Variants in PDZRN4 observed in about 807,000 individuals in gnomAD.
PDZRN4 encodes the protein PDZ domain-containing RING finger protein 4.
A neutral mutation model predicts 99.0 loss-of-function variants in PDZRN4; 70 were observed. The observed-to-expected ratio is 0.71, with a 90% confidence interval of 0.58 to 0.86. The LOEUF (loss-of-function observed/expected upper bound fraction) is 0.86. Ranked by LOEUF, PDZRN4 falls within the 40% of genes least tolerant of loss-of-function variation. The pLI is 0.00. For missense variants in PDZRN4, 1,474 were observed against 1,331.2 expected, an observed-to-expected ratio of 1.11 and a Z score of -1.67; for synonymous variants, 551 against 501.6, an observed-to-expected ratio of 1.10 and a Z score of -1.32.
chr12:41,196,994 T>G (rs578249858), intron 3 of PDZRN4, among the ~76,000 whole-genome samples: 66 of 152,168 alleles, frequency 4.3e-4, no homozygotes, highest in African/African-American at 1.5e-3. Flanking sequence ...ATTATCCGTA[T>G]GACTTATGCA....
rs188145394 is a variant in PDZRN4 at position 41,565,967 on chromosome 12, G to A, written c.1468-1816G>A. 7.9e-5 allele frequency among the ~76,000 whole-genome samples: 12 copies of A among 152,216 alleles called. No individual in the cohort carries two copies. The East Asian group carries it at 9.6e-4, about 12-fold the overall frequency. On this transcript the variant is annotated intron_variant, in intron 8 of 9. Coordinates refer to ENST00000402685, the MANE Select transcript of PDZRN4 (RefSeq NM_001164595.2). ...CTCAAGGGAGATGTCTGTCTCTGCC[G>A]TTACATTAGACTCAGACCATAGTGA...
chr12:41,259,529 A>G (rs1004856832), intron 3 of PDZRN4, among the ~76,000 whole-genome samples: 1 of 152,124 alleles, frequency 6.6e-6, no homozygotes, highest in Non-Finnish European at 1.5e-5. Context: ...AATTAGACTG[A>G]GGGTTGGATC....
intron 3 of PDZRN4, among the ~76,000 whole-genome samples, chr12:41,424,566 G>C (rs1322844949): frequency 6.6e-6 from 1 of 152,112 alleles, no homozygotes; most frequent in Non-Finnish European, 1.5e-5. Context: ...ATTTTTTCAT[G>C]CTAACTATAA....
At chr12:41,288,602 T>C (rs1397256239) in intron 3 of PDZRN4, among the ~76,000 whole-genome samples, 1 of 151,580 alleles carries the variant, frequency 6.6e-6, no homozygotes, top group Non-Finnish European at 1.5e-5. Context: ...CGAAATGGCT[T>C]CACCCTGACT....
chr12:41,560,463 C>A (rs867002390), intron 7 of PDZRN4, among the ~76,000 whole-genome samples: 1 of 152,140 alleles, frequency 6.6e-6, no homozygotes, highest in Admixed American at 6.6e-5. Flanking sequence ...TTAGCCAAGG[C>A]AATATCCATT....
chr12:41,203,300 C>T (rs1591966201), intron 3 of PDZRN4, among the ~76,000 whole-genome samples: 1 of 152,020 alleles, frequency 6.6e-6, no homozygotes, highest in Admixed American at 6.6e-5. Flanking sequence ...AAGAAGACTT[C>T]CTTGGTATTC....
chr12:41,231,028 T>C (rs1023590673), intron 3 of PDZRN4, among the ~76,000 whole-genome samples: 3 of 152,122 alleles, frequency 2.0e-5, no homozygotes, highest in Admixed American at 6.6e-5. Flanking sequence ...ATGGAGTGTG[T>C]AGGTGTGTGT....
chr12:41,466,044 G>T (rs1952921822), intron 3 of PDZRN4, among the ~76,000 whole-genome samples: 1 of 152,030 alleles, frequency 6.6e-6, no homozygotes, highest in Non-Finnish European at 1.5e-5. Flanking sequence ...AACATTTTGT[G>T]TCTTGTTTTT....
intron 3 of PDZRN4, among the ~76,000 whole-genome samples, chr12:41,196,270 G>A (rs1026811946): frequency 2.6e-5 from 4 of 151,894 alleles, no homozygotes; most frequent in African/African-American, 7.3e-5. Context: ...AACTAGCTGC[G>A]GTATTATTAT....
intron 3 of PDZRN4, among the ~76,000 whole-genome samples, chr12:41,261,229 C>A (rs748236568): frequency 2.6e-5 from 4 of 151,968 alleles, no homozygotes; most frequent in African/African-American, 4.8e-5. Context: ...CCTTTCGTTG[C>A]ATTTCGAAAA....
At chr12:41,434,839 A>G (rs1406566702) in intron 3 of PDZRN4, among the ~76,000 whole-genome samples, 1 of 152,196 alleles carries the variant, frequency 6.6e-6, no homozygotes, top group Non-Finnish European at 1.5e-5. Context: ...ATTATTGCCC[A>G]AGACAGATAA....
Position 41,226,726 on chromosome 12 carries a change from C to T in PDZRN4, c.843+32538C>T, listed in dbSNP as rs7304777. 6.2e-3 allele frequency among the ~76,000 whole-genome samples: 937 copies of T among 152,090 alleles called. 1 individual carries two copies. Among genetic ancestry groups the T allele is most frequent in the Non-Finnish European group, 9.2e-3 (624 of 67,998 alleles). ...TTCAAATTTGTAATCTGTATTTCAACGTATTGCACCTGCCATGCATTCTGG... is the reference window on the plus strand; with the variant it reads ...TTCAAATTTGTAATCTGTATTTCAATGTATTGCACCTGCCATGCATTCTGG... On this transcript the variant is annotated intron_variant, in intron 3 of 9. Coordinates refer to ENST00000402685, the MANE Select transcript of PDZRN4 (RefSeq NM_001164595.2).
At chr12:41,558,640 G>A (rs1939211353) in intron 7 of PDZRN4, among the ~76,000 whole-genome samples, 1 of 152,184 alleles carries the variant, frequency 6.6e-6, no homozygotes, top group South Asian at 2.1e-4. Flanking sequence ...ATACCTGCTA[G>A]ATAATAAAGC....
chr12:41,407,599 G>A (rs1036039576), intron 3 of PDZRN4, among the ~76,000 whole-genome samples: 6 of 151,966 alleles, frequency 3.9e-5, no homozygotes, highest in Admixed American at 2.0e-4. Flanking sequence ...TGTGATTCTC[G>A]TGCCAGCTTA....
At chr12:41,445,179 C>T (rs1952714415) in intron 3 of PDZRN4, among the ~76,000 whole-genome samples, 2 of 151,934 alleles carry the variant, frequency 1.3e-5, no homozygotes, top group African/African-American at 2.4e-5. Context: ...AAGGGAGGCA[C>T]GTTACTAAAA....
At chr12:41,229,046 A>G (rs894141314) in intron 3 of PDZRN4, among the ~76,000 whole-genome samples, 3 of 151,820 alleles carry the variant, frequency 2.0e-5, no homozygotes, top group African/African-American at 4.8e-5. Context: ...TATGACCTCA[A>G]TCAAATTCTG....
intron 3 of PDZRN4, among the ~76,000 whole-genome samples, chr12:41,468,019 G>C (rs1260721079): frequency 1.3e-5 from 2 of 152,136 alleles, no homozygotes; most frequent in Non-Finnish European, 2.9e-5. Flanking sequence ...ATTGCATTTT[G>C]ATGGTAGAAA....
At chr12:41,476,883 C>G (rs148528227) in intron 3 of PDZRN4, among the ~76,000 whole-genome samples, 35 of 152,336 alleles carry the variant, frequency 2.3e-4, no homozygotes, top group African/African-American at 7.2e-4. Context: ...TCTGCCAAGA[C>G]ATTTATCAGT....
At chr12:41,338,644 A>G (rs1951792425) in intron 3 of PDZRN4, among the ~76,000 whole-genome samples, 1 of 152,054 alleles carries the variant, frequency 6.6e-6, no homozygotes, top group Non-Finnish European at 1.5e-5. Flanking sequence ...TCACAGAAAT[A>G]CAAAGGATCA....
Sources: allele counts gnomAD v4.1 joint callset (sites outside exome capture counted in the v4.1 genomes callset), GRCh38; gene constraint gnomAD v4.1.1; transcripts MANE v1.5; gene names NCBI Gene and HGNC (gene_info 2026-07-23, HGNC 2026-07-21).